The following SH3KBP1 variants were observed in gnomAD, a reference collection of about 807,000 sequenced individuals.
SH3KBP1 encodes the protein SH3 domain-containing kinase-binding protein 1.
In SH3KBP1, 8 loss-of-function variants were observed where a neutral mutation model predicts 50.1. The observed-to-expected ratio is 0.16, with a 90% CI of 0.09 to 0.29. The LOEUF (loss-of-function observed/expected upper bound fraction) is 0.29. Among genes scored for constraint, SH3KBP1 ranks in the 10% least tolerant of loss-of-function variants. The pLI, the probability that SH3KBP1 is intolerant of heterozygous loss-of-function variation, is 1.00. For missense variants in SH3KBP1, 377 were observed against 535.2 expected (o/e 0.70, Z 2.92); for synonymous variants, 227 against 218.6 (o/e 1.04, Z -0.34).
intron 3 of SH3KBP1, among the ~76,000 whole-genome samples, chrX:19,707,469 C>T (rs1033913994): frequency 7.2e-5 from 8 of 111,766 alleles, no homozygotes; most frequent in Non-Finnish European, 1.1e-4. Context: ...TTTCAACATA[C>T]GGGAACTCAA....
chrX:19,813,996 C>T (rs1339713276), intron 2 of SH3KBP1, among the ~76,000 whole-genome samples: 2 of 111,500 alleles, frequency 1.8e-5, no homozygotes, highest in Non-Finnish European at 3.8e-5. Flanking sequence ...AATTGTAGTG[C>T]CAGAGGTGGT....
At chrX:19,823,252 C>T (rs1448615584) in intron 2 of SH3KBP1, among the ~76,000 whole-genome samples, 2 of 111,751 alleles carry the variant, frequency 1.8e-5, no homozygotes, top group Non-Finnish European at 3.8e-5. Flanking sequence ...TTTTATCTCA[C>T]AGTTCTGTAG....
intron 3 of SH3KBP1, among the ~76,000 whole-genome samples, chrX:19,738,694 CAAAAAAAAA>C (rs1193680181): frequency 8.1e-5 from 3 of 37,172 alleles, no homozygotes; most frequent in Non-Finnish European, 1.1e-4. Flanking sequence ...GTCAGCAATG[CAAAAAAAAA>C]AAAAAAAAAA....
At chrX:19,568,390 T>A (rs972943907) in intron 13 of SH3KBP1, among the ~76,000 whole-genome samples, 1 of 112,145 alleles carries the variant, frequency 8.9e-6, no homozygotes, top group African/African-American at 3.2e-5. Flanking sequence ...AGCCTGTTGC[T>A]AAACAATATG....
intron 12 of SH3KBP1, among the ~76,000 whole-genome samples, chrX:19,571,616 T>A (rs1384569389): frequency 8.9e-6 from 1 of 112,186 alleles, no homozygotes; most frequent in Non-Finnish European, 1.9e-5. Flanking sequence ...AATACATTCC[T>A]GGGGACCCTT....
At chrX:19,827,014 A>C (rs1023055195) in intron 2 of SH3KBP1, among the ~76,000 whole-genome samples, 31 of 111,952 alleles carry the variant, frequency 2.8e-4, no homozygotes, top group African/African-American at 9.4e-4. Flanking sequence ...GGAGTGGTAC[A>C]ATTAGGCAAA....
At chrX:19,813,603 GCCCTTTGGCTAGCATCTC>G (rs2147294571) in intron 2 of SH3KBP1, among the ~76,000 whole-genome samples, 1 of 111,705 alleles carries the variant, frequency 9.0e-6, no homozygotes, top group South Asian at 3.8e-4. Context: ...GCAAGTTTGT[GCCCTTTGGCTAGCATCTC>G]CCCTTTGCTT....
At chrX:19,833,241 C>T (rs1200979406) in intron 2 of SH3KBP1, among the ~76,000 whole-genome samples, 1 of 105,709 alleles carries the variant, frequency 9.5e-6, no homozygotes, top group Non-Finnish European at 2.0e-5. Context: ...TCTTGCCTTC[C>T]CACATTCTTC....
At chrX:19,854,757 A>G (rs1373284860) in intron 1 of SH3KBP1, among the ~76,000 whole-genome samples, 5 of 110,495 alleles carry the variant, frequency 4.5e-5, no homozygotes, top group African/African-American at 1.6e-4. Flanking sequence ...AGCCCCATGG[A>G]TGCTCCCATC....
intron 7 of SH3KBP1, among the ~76,000 whole-genome samples, chrX:19,637,999 C>T (rs1223666126): frequency 4.6e-5 from 5 of 109,577 alleles, no homozygotes; most frequent in Non-Finnish European, 9.5e-5. Flanking sequence ...ATTGCTTAAA[C>T]CAGGGAGGCA....
chrX:19,598,047 A>T (rs1289808345), intron 9 of SH3KBP1, among the ~76,000 whole-genome samples: 1 of 111,804 alleles, frequency 8.9e-6, no homozygotes, highest in Non-Finnish European at 1.9e-5. Context: ...CTTAAACCTC[A>T]ATAACCAACC....
intron 13 of SH3KBP1, among the ~76,000 whole-genome samples, chrX:19,556,700 G>A (rs1468520794): frequency 9.0e-6 from 1 of 111,084 alleles, no homozygotes; most frequent in African/African-American, 3.3e-5. Context: ...ACAGGGTCTC[G>A]TTCTGTCACC....
intron 12 of SH3KBP1, among the ~76,000 whole-genome samples, chrX:19,584,878 C>T (rs762273441): frequency 7.2e-4 from 81 of 111,730 alleles, no homozygotes; most frequent in Non-Finnish European, 1.3e-3. Flanking sequence ...GACTACATGT[C>T]CATGCATGCA....
chrX:19,664,763 C>T (rs2062553593), intron 6 of SH3KBP1: 1 of 112,068 alleles, frequency 8.9e-6, no homozygotes, highest in Non-Finnish European at 1.9e-5. Context: ...GAGTTACCAG[C>T]TTCATAATGT....
At chrX:19,761,056 C>T (rs1406636258) in intron 2 of SH3KBP1, among the ~76,000 whole-genome samples, 1 of 99,349 alleles carries the variant, frequency 1.0e-5, no homozygotes, top group Non-Finnish European at 2.0e-5. Flanking sequence ...GAGGAGGCGG[C>T]GGAGGTGTGA....
chrX:19,722,506 G>A (rs1180405726), intron 3 of SH3KBP1, among the ~76,000 whole-genome samples: 1 of 109,428 alleles, frequency 9.1e-6, no homozygotes, highest in Non-Finnish European at 1.9e-5. Context: ...CACACCCCTT[G>A]CTCCCAGCCC....
intron 2 of SH3KBP1, among the ~76,000 whole-genome samples, chrX:19,792,730 A>G (rs946807574): frequency 4.5e-5 from 4 of 89,242 alleles, no homozygotes; most frequent in Non-Finnish European, 8.3e-5. Context: ...ACATTTGGTA[A>G]TGTCTGGAGA....
At chrX:19,826,595 A>G (rs751681251) in intron 2 of SH3KBP1, among the ~76,000 whole-genome samples, 1 of 110,791 alleles carries the variant, frequency 9.0e-6, no homozygotes, top group East Asian at 2.8e-4. Context: ...AGGTGGTAGA[A>G]TCACCTGAGC....
chrX:19,853,491 G>A (rs1029631067), intron 1 of SH3KBP1, among the ~76,000 whole-genome samples: 11 of 111,293 alleles, frequency 9.9e-5, no homozygotes, highest in Admixed American at 1.9e-4. Flanking sequence ...TACCTAAAGG[G>A]TGGAAGCACA....
Sources: allele counts gnomAD v4.1 joint callset (sites outside exome capture counted in the v4.1 genomes callset), GRCh38; gene constraint gnomAD v4.1.1; transcripts MANE v1.5; gene names NCBI Gene and HGNC (gene_info 2026-07-23, HGNC 2026-07-21).